The following LCT variants were observed in gnomAD, a reference collection of about 807,000 sequenced individuals.
LCT encodes lactase/phlorizin hydrolase.
LCT carries 90 observed loss-of-function variants against 173.0 expected under a neutral mutation model. That is an observed-to-expected ratio of 0.52 (90% CI 0.44 to 0.62). The LOEUF (loss-of-function observed/expected upper bound fraction) is 0.62. Among genes scored for constraint, LCT ranks in the 20% least tolerant of loss-of-function variants. The pLI is 0.00. For missense variants in LCT, 1,864 were observed against 2,431.4 expected (o/e 0.77, Z 4.91); for synonymous variants, 853 against 957.6 (o/e 0.89, Z 2.02).
chr2:135,795,374 A>AT (rs1208947283), intron 13 of LCT, among the ~76,000 whole-genome samples: 1 of 151,786 alleles, frequency 6.6e-6, no homozygotes, highest in African/African-American at 2.4e-5. Flanking sequence ...CTCCTGGCTG[A>AT]TTTTTTATAT....
At position 135,818,057 on chromosome 2, in the gene LCT, A is replaced by G; in HGVS notation, c.991T>C (p.Ser331Pro). 1 of 1,613,276 alleles carries G rather than the reference A, an allele frequency of 6.2e-7. No homozygotes were observed. The highest frequency in any genetic ancestry group is 8.5e-7 in the Non-Finnish European group (1 of 1,180,022). ...SCSSSSKKSMSCSLTGSLALQ... is the reference protein window; with the variant it reads ...SCSSSSKKSMPCSLTGSLALQ... The stretch of plus-strand genomic sequence containing the variant: ...GCCAGGCTGCCAGTCAGAGAACAAG[A>G]CATGCTGCAGGATTGAAGGGACAAA... The change falls in exon 6 of 17, where the codon TCT becomes CCT. Residue 331 changes from serine (S) to proline (P), a missense_variant. By Grantham distance (74) the Ser-to-Pro change is moderately conservative. This residue lies in a region of LCT where 412 missense variants were observed against 462.0 expected (regional missense o/e 0.89). Transcript: ENST00000264162.
intron 6 of LCT, among the ~76,000 whole-genome samples, chr2:135,816,730 T>C (rs1365413792): frequency 1.3e-5 from 2 of 152,232 alleles, no homozygotes; most frequent in East Asian, 3.8e-4. Flanking sequence ...TCCACCTGGC[T>C]ACTCACTAGC....
chr2:135,829,015 T>A (rs10803549), intron 3 of LCT, among the ~76,000 whole-genome samples: 149,272 of 152,228 alleles, frequency 0.98, 73,239 homozygotes, highest in East Asian at 1. Context: ...ACATGGTGAA[T>A]CCTTGCCTCT....
rs2077522644 is a variant in LCT at position 135,790,217 on chromosome 2, T to C, written c.5336-419A>G. On this transcript the variant is annotated intron_variant, in intron 15 of 16. Coordinates refer to ENST00000264162, the MANE Select transcript of LCT (RefSeq NM_002299.4). The surrounding 1 kb of genome is among the most constrained non-coding windows in gnomAD (Gnocchi z 4.1). ...CTTTGCTGGTGCATTGCTTGCTCTT[T>C]TACTCAGCATTTGTTCCATTCTCTT... Among the ~76,000 whole-genome samples, 1 of 152,230 alleles carries C rather than the reference T, an allele frequency of 6.6e-6. No homozygotes were observed. The highest frequency in any genetic ancestry group is 1.5e-5 in the Non-Finnish European group (1 of 68,044).
chr2:135,822,209 G>A, intron 4 of LCT, 111 bp from the exon 5 acceptor site: 1 of 752,314 alleles, frequency 1.3e-6, no homozygotes, highest in Non-Finnish European at 2.4e-6. Context: ...CCAAGCAGTG[G>A]TTCCAAGCCC....
intron 8 of LCT, among the ~76,000 whole-genome samples, chr2:135,807,919 G>A (rs556062279): frequency 2.0e-5 from 3 of 152,046 alleles, no homozygotes; most frequent in Admixed American, 6.6e-5. Context: ...CTTGAGGTCA[G>A]GAGTTTGAAA....
At chr2:135,832,516 G>A (rs531099444) in intron 2 of LCT, among the ~76,000 whole-genome samples, 3 of 151,110 alleles carry the variant, frequency 2.0e-5, no homozygotes, top group Admixed American at 6.6e-5. Context: ...ACAGGGTCTT[G>A]CTGTGTCACC....
intron 13 of LCT, 65 bp from the exon 14 acceptor site, chr2:135,794,840 A>T (rs1270630820): frequency 1.9e-6 from 3 of 1,597,064 alleles, no homozygotes; most frequent in Admixed American, 3.3e-5. Flanking sequence ...AGAGAACGTC[A>T]TAGGGCTGGG....
intron 13 of LCT, among the ~76,000 whole-genome samples, chr2:135,795,622 A>C (rs2077576235): frequency 6.6e-6 from 1 of 150,792 alleles, no homozygotes; most frequent in African/African-American, 2.4e-5. Context: ...AATAATAATA[A>C]TAATAATAAT....
chr2:135,803,085 G>A (rs566823867), intron 11 of LCT, among the ~76,000 whole-genome samples: 14 of 152,012 alleles, frequency 9.2e-5, no homozygotes, highest in Non-Finnish European at 1.6e-4. Flanking sequence ...GCACTCCAGC[G>A]TGGCCAACAG....
At chr2:135,803,234 G>A (rs2077642282) in intron 11 of LCT, among the ~76,000 whole-genome samples, 2 of 152,196 alleles carry the variant, frequency 1.3e-5, no homozygotes, top group South Asian at 4.1e-4. Flanking sequence ...TTGAGGTGAT[G>A]AATATACTAA....
At chr2:135,813,065 GACA>G (rs1047657604) in intron 6 of LCT, 109 bp from the exon 7 acceptor site, 6 of 950,166 alleles carry the variant, frequency 6.3e-6, no homozygotes, top group South Asian at 1.4e-5. Context: ...AGTCAATAAA[GACA>G]ACAACAACAT....
intron 13 of LCT, among the ~76,000 whole-genome samples, chr2:135,797,529 C>A (rs1024800124): frequency 2.2e-4 from 33 of 152,194 alleles, no homozygotes; most frequent in African/African-American, 7.7e-4. Flanking sequence ...AATCTTTGCG[C>A]CTCACTTTAC....
chr2:135,819,207 A>G (rs1469461079), intron 5 of LCT, among the ~76,000 whole-genome samples: 1 of 152,244 alleles, frequency 6.6e-6, no homozygotes, highest in Non-Finnish European at 1.5e-5. Flanking sequence ...GAAATAAAAC[A>G]TCACATAAAA....
At position 135,809,417 on chromosome 2, in the gene LCT, G is replaced by A; in HGVS notation, c.2930C>T (p.Ser977Phe). The A allele has an allele frequency of 6.2e-7, 1 of 1,614,240 alleles. No homozygotes were observed. The highest frequency in any genetic ancestry group is 8.5e-7 in the Non-Finnish European group (1 of 1,180,042). Residue 977 changes from serine to phenylalanine, a missense_variant, in exon 8 of 17, where the codon TCT (serine) becomes TTT (phenylalanine). Transcript: ENST00000264162. This position sits in a 1 kb window ranked among gnomAD's most constrained non-coding sequence, Gnocchi z 5.5. ...RALKVKAYRF[S>F]ISWSRIFPTG... Reference sequence around the variant, plus strand: ...TGGGAAAATCCGAGACCAGGAGATAGAGAAGCGGTAGGCCTTCACCTTCAA... The same window carrying A: ...TGGGAAAATCCGAGACCAGGAGATAAAGAAGCGGTAGGCCTTCACCTTCAA...
intron 1 of LCT, 42 bp from the exon 2 acceptor site, chr2:135,833,232 A>C (rs369009738): frequency 6.9e-7 from 1 of 1,446,508 alleles, no homozygotes; most frequent in African/African-American, 1.4e-5. Context: ...GAGCGAGGGC[A>C]GGAGGCTCTG....
intron 13 of LCT, among the ~76,000 whole-genome samples, chr2:135,795,075 A>C (rs1262771641): frequency 6.6e-6 from 1 of 152,178 alleles, no homozygotes; most frequent in African/African-American, 2.4e-5. Context: ...ACACATGCAT[A>C]AACAGTTTTT....
chr2:135,828,747 G>A (rs1236863215), intron 3 of LCT, among the ~76,000 whole-genome samples: 3 of 152,166 alleles, frequency 2.0e-5, no homozygotes, highest in Admixed American at 1.3e-4. Context: ...TTTCTCTAAT[G>A]AGCCCGCATC....
intron 2 of LCT, 45 bp from the exon 3 acceptor site, chr2:135,829,721 C>T (rs762335635): frequency 2.4e-6 from 3 of 1,250,500 alleles, no homozygotes; most frequent in Non-Finnish European, 3.5e-6. Flanking sequence ...TAAGCACTGT[C>T]AAGACTAACA....
Sources: gnomAD v4.1 joint callset for allele counts (sites outside exome capture counted in the v4.1 genomes callset) on GRCh38, gnomAD v4.1.1 for gene constraint, gnomAD v4.1.1 regional missense constraint, Gnocchi (gnomAD v3.1) non-coding constraint, MANE v1.5 for transcripts, NCBI Gene and HGNC (gene_info 2026-07-23, HGNC 2026-07-21) for gene names.